CDYL2: variants seen among roughly 807,000 people sequenced by gnomAD.
The protein encoded by CDYL2 is chromodomain Y like 2, also known as chromodomain Y-like protein 2.
In CDYL2, 23 loss-of-function variants were observed where a neutral mutation model predicts 49.4. The observed-to-expected ratio is 0.47, with a 90% confidence interval of 0.34 to 0.66. CDYL2 has a LOEUF of 0.66. Ranked by LOEUF, CDYL2 falls within the 30% of genes least tolerant of loss-of-function variation. The pLI is 0.01. For missense variants in CDYL2, 678 were observed against 656.4 expected, an observed-to-expected ratio of 1.03 and a Z score of -0.36; for synonymous variants, 360 against 268.8, an observed-to-expected ratio of 1.34 and a Z score of -3.32.
At chr16:80,687,244 G>A (rs1270422186) in intron 1 of CDYL2, among the ~76,000 whole-genome samples, 5 of 152,276 alleles carry the variant, frequency 3.3e-5, no homozygotes, top group East Asian at 1.9e-4. Flanking sequence ...TAAGGGATGT[G>A]GTGTATTCTC....
In CDYL2 at chr16:80,604,522, C is replaced by G. The variant is rs202176613; in HGVS notation, c.1387G>C (p.Val463Leu). 1.2e-6 allele frequency: 2 copies of G among 1,614,204 alleles called. No homozygotes were observed. Among genetic ancestry groups the G allele is most frequent in the Admixed American group, 1.7e-5 (1 of 60,026 alleles). Residue 463 changes from valine to leucine, a missense_variant, in exon 7 of 7, where the codon GTG becomes CTG. By Grantham distance (32) the Val-to-Leu change is conservative. Around this residue, in one of 3 missense-constraint regions of CDYL2, gnomAD observed 153 missense variants for 150.6 expected, o/e 1.02. Coordinates refer to ENST00000570137, the MANE Select transcript of CDYL2 (RefSeq NM_152342.4). The part of the protein sequence containing the change: ...AVVLEESKCL[V>L]RSFLKSVLED... ...AGCACTGATTTCAGGAAGCTCCGCA[C>G]GAGGCATTTGGACTCCTCTAACACC...
rs149427898 is a variant in CDYL2, at chr16:80,785,331, G to C, written c.24+18819C>G. On this transcript the variant is annotated intron_variant, in intron 1 of 6. Transcript: ENST00000570137. ...TCTACACACCAATAACAGACAAACA[G>C]AGAGCCAAATCATGAGTGAACTCCC... 4.2e-3 allele frequency among the ~76,000 whole-genome samples: 645 copies of C among 152,230 alleles called. 2 individuals are homozygous for C. Among genetic ancestry groups the C allele is most frequent in the African/African-American group, 0.015 (622 of 41,522 alleles).
chr16:80,611,037 T>G (rs1181517234), intron 5 of CDYL2, among the ~76,000 whole-genome samples: 2 of 152,048 alleles, frequency 1.3e-5, no homozygotes, highest in South Asian at 2.1e-4. Context: ...CTGACCACTC[T>G]CAACCCAGGG....
Position 80,662,570 on chromosome 16 carries a change from G to A in CDYL2, c.616+21968C>T, listed in dbSNP as rs115823645. 4.2e-3 allele frequency among the ~76,000 whole-genome samples: 638 copies of A among 152,172 alleles called. 3 individuals carry two copies. The highest frequency in any genetic ancestry group is 0.015 in the African/African-American group (609 of 41,502). ...CAGATGCTTAGCACCTGGGGTATAC[G>A]GATGGGCAGAACCAGACATGGATCT... On this transcript the variant is annotated intron_variant, in intron 2 of 6. Transcript: ENST00000570137.
At chr16:80,771,559 G>C (rs1906906356) in intron 1 of CDYL2, among the ~76,000 whole-genome samples, 1 of 152,076 alleles carries the variant, frequency 6.6e-6, no homozygotes, top group African/African-American at 2.4e-5. Context: ...ACAAAAATTA[G>C]CCAGGTGTGG....
chr16:80,729,683 T>C (rs935526056), intron 1 of CDYL2, among the ~76,000 whole-genome samples: 8 of 152,114 alleles, frequency 5.3e-5, no homozygotes, highest in Non-Finnish European at 7.4e-5. Flanking sequence ...TATTCCAAAA[T>C]TGACCACATA....
At chr16:80,676,963 A>ATTTTTTTTT (rs35188796) in intron 2 of CDYL2, among the ~76,000 whole-genome samples, 3 of 60,056 alleles carry the variant, frequency 5.0e-5, no homozygotes, top group Admixed American at 1.9e-4. Context: ...AATTCAATGT[A>ATTTTTTTTT]TTTTTTTTTT....
intron 1 of CDYL2, among the ~76,000 whole-genome samples, chr16:80,689,606 C>G (rs1346230728): frequency 2.0e-5 from 3 of 152,132 alleles, no homozygotes; most frequent in African/African-American, 7.2e-5. Flanking sequence ...AGGGCAGGGC[C>G]AAGCAAAGCA....
chr16:80,780,121 AT>A (rs923390280), intron 1 of CDYL2, among the ~76,000 whole-genome samples: 6 of 152,136 alleles, frequency 3.9e-5, no homozygotes, highest in South Asian at 2.1e-4. Flanking sequence ...TGTGACCAGA[AT>A]TTTTTTTAAT....
intron 1 of CDYL2, among the ~76,000 whole-genome samples, chr16:80,750,197 CA>C (rs1196480559): frequency 6.6e-6 from 1 of 151,622 alleles, no homozygotes; most frequent in Non-Finnish European, 1.5e-5. Flanking sequence ...AACAAACCTG[CA>C]CATGTACCCT....
In CDYL2 at chr16:80,614,513, G is replaced by A. The variant is rs114718659; in HGVS notation, c.1008-1677C>T. On this transcript the variant is annotated intron_variant, in intron 4 of 6. Coordinates refer to ENST00000570137, the MANE Select transcript of CDYL2 (RefSeq NM_152342.4). ...TGACATCTATTTTAGGTTCATGTAT[G>A]TGAGAAGTACATTACTATATATGAG... 2.2e-3 allele frequency among the ~76,000 whole-genome samples: 340 copies of A among 152,336 alleles called. 3 individuals are homozygous for A. Among genetic ancestry groups the A allele is most frequent in the African/African-American group, 8.0e-3 (332 of 41,578 alleles).
intron 1 of CDYL2, among the ~76,000 whole-genome samples, chr16:80,763,948 G>T (rs966393895): frequency 1.3e-5 from 2 of 152,116 alleles, no homozygotes; most frequent in East Asian, 1.9e-4. Flanking sequence ...AATAGGGAAG[G>T]GGGTAGAGAG....
chr16:80,680,296 T>C (rs142279738), intron 2 of CDYL2, among the ~76,000 whole-genome samples: 1 of 152,302 alleles, frequency 6.6e-6, no homozygotes, highest in East Asian at 1.9e-4. Flanking sequence ...GTCATCAAGA[T>C]GCAAGGAAAG....
intron 2 of CDYL2, among the ~76,000 whole-genome samples, chr16:80,637,079 G>A (rs2142398708): frequency 6.6e-6 from 1 of 152,200 alleles, no homozygotes; most frequent in Non-Finnish European, 1.5e-5. Context: ...GGGAGGAATA[G>A]CATTAGAAGA....
At chr16:80,640,813 G>C (rs1253747409) in intron 2 of CDYL2, among the ~76,000 whole-genome samples, 2 of 152,176 alleles carry the variant, frequency 1.3e-5, no homozygotes, top group African/African-American at 4.8e-5. Flanking sequence ...GCATAGTGAA[G>C]AATGCAGCAG....
chr16:80,759,150 A>ATATATATATATATGTTTTATATAT (rs1211358459), intron 1 of CDYL2, among the ~76,000 whole-genome samples: 4 of 80,838 alleles, frequency 4.9e-5, no homozygotes, highest in Admixed American at 1.4e-4. Flanking sequence ...GGTTTATATA[A>ATATATATATATATGTTTTATATAT]ATATATGGTT....
chr16:80,764,142 C>T (rs1043198349), intron 1 of CDYL2, among the ~76,000 whole-genome samples: 2 of 151,974 alleles, frequency 1.3e-5, no homozygotes, highest in Non-Finnish European at 2.9e-5. Flanking sequence ...TGATAAAAAG[C>T]AGATAATAAA....
chr16:80,739,942 T>G (rs894136272), intron 1 of CDYL2, among the ~76,000 whole-genome samples: 1 of 152,114 alleles, frequency 6.6e-6, no homozygotes, highest in African/African-American at 2.4e-5. Context: ...GTCACGTACA[T>G]TGATGCCCAG....
chr16:80,689,885 C>G (rs1910343778), intron 1 of CDYL2, among the ~76,000 whole-genome samples: 1 of 152,174 alleles, frequency 6.6e-6, no homozygotes, highest in Non-Finnish European at 1.5e-5. Context: ...CTTTGGGAGG[C>G]TGAGGTGGCC....
Sources: allele counts gnomAD v4.1 joint callset (sites outside exome capture counted in the v4.1 genomes callset), GRCh38; gene constraint gnomAD v4.1.1; regional missense constraint gnomAD v4.1.1; transcripts MANE v1.5; gene names NCBI Gene and HGNC (gene_info 2026-07-23, HGNC 2026-07-21).